The following MEF2D variants were observed in gnomAD, a reference collection of about 807,000 sequenced individuals.
The protein encoded by MEF2D is myocyte enhancer factor 2D.
A neutral mutation model predicts 59.3 loss-of-function variants in MEF2D; 10 were observed. The ratio of observed to expected loss-of-function variants is 0.17; its 90% CI spans 0.10 to 0.29. The LOEUF is 0.29. Among genes scored for constraint, MEF2D ranks in the 10% least tolerant of loss-of-function variants. The probability of loss-of-function intolerance (pLI) is 1.00; values close to 1 mark genes in which losing one functional copy is unlikely to be tolerated. For synonymous variants in MEF2D, 305 were observed against 295.0 expected, an observed-to-expected ratio of 1.03 and a Z score of -0.35; for missense variants, 508 against 699.4, an observed-to-expected ratio of 0.73 and a Z score of 3.09.
intron 7 of MEF2D, 197 bp downstream of exon 7, chr1:156,476,815 C>T (rs1282349368): frequency 1.5e-6 from 1 of 680,128 alleles, no homozygotes; most frequent in African/African-American, 1.8e-5. Context: ...CTGCCTTAGG[C>T]TGGTACTTCT....
chr1:156,500,467 A>G lies in MEF2D; in HGVS notation c.-139+19T>C, dbSNP rs1673431642. On this transcript the variant is annotated intron_variant, in intron 1 of 11. Transcript: ENST00000348159. ...GGGGGCCTCTTAAAGTGGCAGGCGC[A>G]TTATTTTTCTCTACTCACCAGCCCG... 1 of 152,266 alleles carries G rather than the reference A, an allele frequency of 6.6e-6. No individual in the cohort carries two copies. The highest frequency in any genetic ancestry group is 1.9e-4 in the East Asian group (1 of 5,176). 9.4% of individuals were successfully genotyped at this position (152,266 alleles called of 1,614,324 possible).
chr1:156,476,940 G>A, intron 7 of MEF2D, 72 bp downstream of exon 7: 2 of 1,554,222 alleles, frequency 1.3e-6, no homozygotes, highest in Non-Finnish European at 8.8e-7. Context: ...TCTCCTGCTA[G>A]AGGTCTGCTC....
chr1:156,479,501 G>C, intron 5 of MEF2D, 85 bp downstream of exon 5: 1 of 1,514,850 alleles, frequency 6.6e-7, no homozygotes, highest in South Asian at 1.2e-5. Context: ...TGGGTGAAGA[G>C]AAATACTTGC....
At chr1:156,479,416 C>T in intron 5 of MEF2D, 70 bp from the exon 6 acceptor site, 1 of 1,554,454 alleles carries the variant, frequency 6.4e-7, no homozygotes, top group Non-Finnish European at 8.7e-7. Context: ...GGGGACTGAA[C>T]ATGAAGAGGG....
chr1:156,497,262 C>T (rs1673182790), intron 1 of MEF2D, among the ~76,000 whole-genome samples: 1 of 152,282 alleles, frequency 6.6e-6, no homozygotes, highest in African/African-American at 2.4e-5. Context: ...GTTGGCCGGA[C>T]TCCGGCCCCA....
chr1:156,497,420 G>A (rs561458342), intron 1 of MEF2D, among the ~76,000 whole-genome samples: 1 of 152,320 alleles, frequency 6.6e-6, no homozygotes, highest in African/African-American at 2.4e-5. Flanking sequence ...ATGGTCCCGT[G>A]GGATGGGGAG....
chr1:156,491,056 A>T (rs1247970018), intron 1 of MEF2D, among the ~76,000 whole-genome samples: 1 of 152,150 alleles, frequency 6.6e-6, no homozygotes, highest in African/African-American at 2.4e-5. Context: ...ACAAGCTCCT[A>T]GAGCTAGCCA....
At chr1:156,497,727 T>A (rs2102291811) in intron 1 of MEF2D, among the ~76,000 whole-genome samples, 1 of 152,190 alleles carries the variant, frequency 6.6e-6, no homozygotes, top group Admixed American at 6.5e-5. Flanking sequence ...GGTACTCAGG[T>A]GTGTGGCAAA....
At chr1:156,497,984 C>A (rs1341951907) in intron 1 of MEF2D, among the ~76,000 whole-genome samples, 1 of 151,680 alleles carries the variant, frequency 6.6e-6, no homozygotes, top group African/African-American at 2.4e-5. Flanking sequence ...CCCAAGGCCT[C>A]CTCGGGGGCC....
Position 156,464,137 on chromosome 1 carries a change from G to A in MEF2D, c.*3508C>T, listed in dbSNP as rs563775847. On this transcript the variant is annotated 3_prime_UTR_variant, in exon 12 of 12. Coordinates refer to ENST00000348159, the MANE Select transcript of MEF2D (RefSeq NM_005920.4). ...CTTCTACCAACTGCTTTAAGGGGTGGGGAGAGGCAGCAGAGGGGAGAACAA... is the reference window on the plus strand; with the variant it reads ...CTTCTACCAACTGCTTTAAGGGGTGAGGAGAGGCAGCAGAGGGGAGAACAA... 8.0e-4 allele frequency: 122 copies of A among 152,666 alleles called. No individual in the cohort carries two copies. The highest frequency in any genetic ancestry group is 2.8e-3 in the African/African-American group (116 of 41,526). The allele number at this position is 152,666 out of a possible 1,614,324, so 9.5% of individuals were successfully genotyped here.
rs36023544 is a variant in MEF2D, at chr1:156,465,359, C to T, written c.*2286G>A. The T allele has an allele frequency of 0.016, 2,506 of 152,562 alleles. 33 individuals are homozygous for T. The highest frequency in any genetic ancestry group is 0.026 in the Non-Finnish European group (1,807 of 68,242). 9.5% of individuals were successfully genotyped at this position (152,562 alleles called of 1,614,324 possible). On this transcript the variant is annotated 3_prime_UTR_variant, in exon 12 of 12. Transcript: ENST00000348159. ...AGCAGAGGTCCCTGGAGGGAGAGAC[C>T]TTGGCAGAGGTAGGGCTGCAGGGAG...
chr1:156,486,602 C>T (rs1672379586), intron 1 of MEF2D, among the ~76,000 whole-genome samples: 1 of 152,222 alleles, frequency 6.6e-6, no homozygotes, highest in African/African-American at 2.4e-5. Flanking sequence ...ACCAATACTG[C>T]CTCTTCCTCC....
Position 156,483,339 on chromosome 1 carries a change from T to G in MEF2D, c.-47A>C, listed in dbSNP as rs987237429. On this transcript the variant is annotated 5_prime_UTR_variant, in exon 2 of 12. Transcript: ENST00000348159. ...CTACGGAGGGGAGGGGCTCGCTGGG[T>G]GGTGGGTCTCGGCACACCTTACACT... 8.8e-6 allele frequency: 14 copies of G among 1,585,160 alleles called. No homozygotes were observed. In the African/African-American group the frequency reaches 1.9e-4, roughly 21 times the overall value.
chr1:156,468,408 G>C lies in MEF2D; in HGVS notation c.1248-109C>G. On this transcript the variant is annotated intron_variant, in intron 10 of 11. Coordinates refer to ENST00000348159, the MANE Select transcript of MEF2D (RefSeq NM_005920.4). The surrounding 1 kb of genome is among the most constrained non-coding windows in gnomAD (Gnocchi z 4.3). ...AAAGTGAGAGAGAACAAGAGGATGA[G>C]AATATGGGGGATGGGGTGTTGGGGA... The C allele has an allele frequency of 1.3e-6, 1 of 790,286 alleles. No homozygotes were observed. Among genetic ancestry groups the C allele is most frequent in the South Asian group, 1.8e-5 (1 of 54,374 alleles). The allele number at this position is 790,286 out of a possible 1,614,324, so 49.0% of individuals were successfully genotyped here. A position where few individuals can be genotyped will look rare whatever the true frequency, so the allele number is the denominator to read the frequency against.
At chr1:156,474,300 T>C (rs1041214545) in intron 9 of MEF2D, among the ~76,000 whole-genome samples, 2 of 151,984 alleles carry the variant, frequency 1.3e-5, no homozygotes, top group Non-Finnish European at 2.9e-5. Flanking sequence ...GATACAAAAA[T>C]TAGCTGGGCA....
chr1:156,484,630 C>CGGAT (rs1203248348), intron 1 of MEF2D, among the ~76,000 whole-genome samples: 2 of 152,174 alleles, frequency 1.3e-5, no homozygotes, highest in African/African-American at 2.4e-5. Flanking sequence ...GGCAGCCAGG[C>CGGAT]GGATGCAGGC....
intron 1 of MEF2D, among the ~76,000 whole-genome samples, chr1:156,493,332 T>C (rs542624851): frequency 6.6e-6 from 1 of 152,214 alleles, no homozygotes; most frequent in African/African-American, 2.4e-5. Context: ...CCTAGAGACA[T>C]CATGACCTCG....
chr1:156,480,068 G>C (rs1450261862), intron 4 of MEF2D, among the ~76,000 whole-genome samples: 3 of 152,084 alleles, frequency 2.0e-5, no homozygotes, highest in Non-Finnish European at 2.9e-5. Flanking sequence ...ACAGGACCAG[G>C]GACACCCCCT....
chr1:156,473,804 T>C (rs1671396074), intron 9 of MEF2D, among the ~76,000 whole-genome samples: 2 of 152,132 alleles, frequency 1.3e-5, no homozygotes, highest in Non-Finnish European at 2.9e-5. Context: ...CTAACCTTCT[T>C]CCCTCTTCTT....
Sources: allele counts gnomAD v4.1 joint callset (sites outside exome capture counted in the v4.1 genomes callset), GRCh38; gene constraint gnomAD v4.1.1; non-coding constraint Gnocchi (gnomAD v3.1); transcripts MANE v1.5; gene names NCBI Gene and HGNC (gene_info 2026-07-23, HGNC 2026-07-21).